The following AMER1 variants were observed in gnomAD, a reference collection of about 807,000 sequenced individuals.
AMER1 encodes the protein APC membrane recruitment protein 1, also known as RP11-403E24.2.
Under a neutral mutation model 53.0 loss-of-function variants are expected in AMER1, and 16 were observed. That is an observed-to-expected ratio of 0.30 (90% confidence interval 0.20 to 0.46). The LOEUF (loss-of-function observed/expected upper bound fraction) is 0.46, where lower values mean the gene tolerates loss of function less well. Among genes scored for constraint, AMER1 ranks in the 20% least tolerant of loss-of-function variants. The pLI is 1.00. For missense variants in AMER1, 947 were observed against 884.9 expected (o/e 1.07, Z -0.89); for synonymous variants, 354 against 331.9 (o/e 1.07, Z -0.73).
rs2147086172 is a variant in AMER1 at position 64,190,878 on chromosome X, C to T, written c.2409G>A (p.Leu803=). The T allele has an allele frequency of 4.1e-6, 5 of 1,211,687 alleles. No homozygotes were observed. The highest frequency in any genetic ancestry group is 5.6e-6 in the Non-Finnish European group (5 of 895,513). The change falls in exon 2 of 2, where the codon CTG becomes CTA. Residue 803 remains leucine, a synonymous_variant. Coordinates refer to ENST00000374869, the MANE Select transcript of AMER1 (RefSeq NM_152424.4). ...DSSFTQNLPE[L]PPMVTFDIAD... ...CGATGTCAAAGGTCACCATGGGAGG[C>T]AGCTCAGGGAGGTTTTGAGTGAAAG... is the stretch of plus-strand genomic sequence containing the variant.
In AMER1 at chrX:64,192,785, C is replaced by T. The variant is rs747418392; in HGVS notation, c.502G>A (p.Gly168Ser). The part of the protein sequence containing the change: ...KFPSMPKPKK[G>S]LKGFFSSIRR... The stretch of plus-strand genomic sequence containing the variant: ...ATACTGCTAAAAAAGCCTTTTAGGC[C>T]TTTCTTTGGCTTGGGCATAGAGGGA... The change falls in exon 2 of 2, where the codon GGC (glycine) becomes AGC (serine). Residue 168 changes from glycine (G) to serine (S), a missense_variant. Coordinates refer to ENST00000374869, the MANE Select transcript of AMER1 (RefSeq NM_152424.4). 7 of 1,210,485 alleles carry T rather than the reference C, an allele frequency of 5.8e-6. No homozygotes were observed. In the East Asian group the frequency reaches 2.1e-4, roughly 36 times the overall value.
rs187563972 is a variant in AMER1, at chrX:64,197,099, C to G, written c.-98-3715G>C. 1.4e-3 allele frequency among the ~76,000 whole-genome samples: 162 copies of G among 112,737 alleles called. 2 individuals carry two copies. Among genetic ancestry groups the G allele is most frequent in the Middle Eastern group, 4.6e-3 (1 of 216 alleles). ...GCAAAGGACAGACTCTGCAGATCCC[C>G]TAGGCTGGGACTGGCTTTCCCTGGG... On this transcript the variant is annotated intron_variant, in intron 1 of 1. Transcript: ENST00000374869.
At position 64,188,856 on chromosome X, in the gene AMER1, T is replaced by A; in HGVS notation, c.*1023A>T. 6.2e-6 allele frequency: 5 copies of A among 807,071 alleles called. No individual in the cohort carries two copies. Among genetic ancestry groups the A allele is most frequent in the Non-Finnish European group, 7.4e-6 (5 of 671,820 alleles). 66.5% of individuals were successfully genotyped at this position (807,071 alleles called of 1,213,427 possible). A position where few individuals can be genotyped will look rare whatever the true frequency, so the allele number is the denominator to read the frequency against. ...AATTTAGGTTGCTTCTCTTCCCTTA[T>A]CTCAATTAAAAGACCGTGTTCCTTG... On this transcript the variant is annotated 3_prime_UTR_variant, in exon 2 of 2. Transcript: ENST00000374869.
At chrX:64,198,738 C>T (rs970849644) in intron 1 of AMER1, among the ~76,000 whole-genome samples, 4 of 111,261 alleles carry the variant, frequency 3.6e-5, no homozygotes, top group Admixed American at 2.9e-4. Flanking sequence ...CTGCTGACAT[C>T]AGAATCTAGG....
rs1930158460 is a variant in AMER1, at chrX:64,188,728, G to T, written c.*1151C>A. The T allele has an allele frequency of 1.3e-6, 1 of 798,673 alleles. No individual in the cohort carries two copies. The highest frequency in any genetic ancestry group is 1.5e-6 in the Non-Finnish European group (1 of 667,706). 65.8% of individuals were successfully genotyped at this position (798,673 alleles called of 1,213,427 possible). On this transcript the variant is annotated 3_prime_UTR_variant, in exon 2 of 2. Transcript: ENST00000374869. The stretch of plus-strand genomic sequence containing the variant: ...AAGAAACTGAGATACCTTAAGCTCT[G>T]CATGGTCTGAAATCCCCTTTCTTGC...
In AMER1 at chrX:64,187,778, G is replaced by A; in HGVS notation, c.*2101C>T. The A allele has an allele frequency of 1.3e-6, 1 of 776,849 alleles. No individual in the cohort carries two copies. 64.0% of individuals were successfully genotyped at this position (776,849 alleles called of 1,213,427 possible). A position where few individuals can be genotyped will look rare whatever the true frequency, so the allele number is the denominator to read the frequency against. Reference sequence around the variant, plus strand: ...CACCATCCCAGAGCAGCTTTGGTAAGAGGCCAGAAAGTTGGAATTTGGGCA... The same window carrying A: ...CACCATCCCAGAGCAGCTTTGGTAAAAGGCCAGAAAGTTGGAATTTGGGCA... On this transcript the variant is annotated 3_prime_UTR_variant, in exon 2 of 2. Coordinates refer to ENST00000374869, the MANE Select transcript of AMER1 (RefSeq NM_152424.4).
intron 1 of AMER1, among the ~76,000 whole-genome samples, chrX:64,195,510 C>T (rs1484482772): frequency 2.7e-5 from 3 of 112,007 alleles, no homozygotes; most frequent in Admixed American, 9.4e-5. Flanking sequence ...AGGAAGTGAC[C>T]GGCAGGCAGG....
Position 64,187,316 on chromosome X carries a change from G to A in AMER1, c.*2563C>T. 1.3e-6 allele frequency: 1 copy of A among 791,111 alleles called. No individual in the cohort carries two copies. Among genetic ancestry groups the A allele is most frequent in the Non-Finnish European group, 1.5e-6 (1 of 661,323 alleles). 65.2% of individuals were successfully genotyped at this position (791,111 alleles called of 1,213,427 possible). On this transcript the variant is annotated 3_prime_UTR_variant, in exon 2 of 2. Transcript: ENST00000374869. ...TGGCTGCCCCACTTCAGGTGGTAAG[G>A]ATCCTATTCCTGGGCTGGCTAGGGC...
At chrX:64,199,772 C>T (rs759852061) in intron 1 of AMER1, among the ~76,000 whole-genome samples, 4 of 112,034 alleles carry the variant, frequency 3.6e-5, no homozygotes, top group Non-Finnish European at 1.9e-5. Context: ...TTTCTTACAA[C>T]TCCTGTTTCA....
rs1930241138 is a variant in AMER1, at chrX:64,191,392, T to C, written c.1895A>G (p.Glu632Gly). The C allele has an allele frequency of 8.3e-7, 1 of 1,209,996 alleles. No individual in the cohort carries two copies. The highest frequency in any genetic ancestry group is 1.1e-6 in the Non-Finnish European group (1 of 895,135). ...EARTREAQAR[E>G]VRCRETQVRE... is the part of the protein sequence containing the mutation. Reference sequence around the variant, plus strand: ...GACTTGAGTCTCTCTACAACGAACCTCTCGGGCCTGGGCTTCTCGGGTTCT... The same window carrying C: ...GACTTGAGTCTCTCTACAACGAACCCCTCGGGCCTGGGCTTCTCGGGTTCT... The change falls in exon 2 of 2, where the codon GAG (glutamate) becomes GGG (glycine). Residue 632 changes from glutamate to glycine, a missense_variant. Coordinates refer to ENST00000374869, the MANE Select transcript of AMER1 (RefSeq NM_152424.4).
At chrX:64,198,647 C>T (rs1455338841) in intron 1 of AMER1, among the ~76,000 whole-genome samples, 1 of 111,764 alleles carries the variant, frequency 8.9e-6, no homozygotes, top group Non-Finnish European at 1.9e-5. Flanking sequence ...TCTGTCCCAG[C>T]CCTGCTAAGC....
In AMER1 at chrX:64,191,380, C is replaced by G. The variant is rs1930240709; in HGVS notation, c.1907G>C (p.Arg636Thr). 8.3e-7 allele frequency: 1 copy of G among 1,211,861 alleles called. No homozygotes were observed. The highest frequency in any genetic ancestry group is 1.1e-6 in the Non-Finnish European group (1 of 895,493). ...CTGGGTCTCTCGGACTTGAGTCTCT[C>G]TACAACGAACCTCTCGGGCCTGGGC... ...REAQAREVRCRETQVRETQAR... is the reference protein window; with the variant it reads ...REAQAREVRCTETQVRETQAR... The change falls in exon 2 of 2, where the codon AGA (arginine) becomes ACA (threonine). Residue 636 changes from arginine (R) to threonine (T), a missense_variant. Transcript: ENST00000374869.
chrX:64,189,793 A>AGGGGGGCCCCCCCCCCCCCC lies in AMER1; in HGVS notation c.*85_*86insGGGGGGGGGGGGGGCCCCCC. 3.4e-6 allele frequency: 1 copy of AGGGGGGCCCCCCCCCCCCCC among 292,074 alleles called. No homozygotes were observed. The highest frequency in any genetic ancestry group is 4.9e-6 in the Non-Finnish European group (1 of 204,832). 24.1% of individuals were successfully genotyped at this position (292,074 alleles called of 1,213,427 possible). ...CAAAGGGTTTTCAAGTTAAACAACA[A>AGGGGGGCCCCCCCCCCCCCC]CCCCCACCCCCCCACCCTTCTGCCC... On this transcript the variant is annotated 3_prime_UTR_variant, in exon 2 of 2. Coordinates refer to ENST00000374869, the MANE Select transcript of AMER1 (RefSeq NM_152424.4).
chrX:64,205,196 A>G (rs1215211325), intron 1 of AMER1, among the ~76,000 whole-genome samples: 1 of 113,870 alleles, frequency 8.8e-6, no homozygotes, highest in Non-Finnish European at 1.9e-5. Flanking sequence ...ACAAAGCTGC[A>G]GAGCTCCTGG....
Position 64,189,793 on chromosome X carries a change from A to ACGGGGGGCCCCCCCCCCCCCCCCCCCCCC in AMER1, c.*85_*86insGGGGGGGGGGGGGGGGGGGGGGCCCCCCG. 1 of 292,074 alleles carries ACGGGGGGCCCCCCCCCCCCCCCCCCCCCC rather than the reference A, an allele frequency of 3.4e-6. No individual in the cohort carries two copies. Among genetic ancestry groups the ACGGGGGGCCCCCCCCCCCCCCCCCCCCCC allele is most frequent in the East Asian group, 1.7e-4 (1 of 5,962 alleles). 24.1% of individuals were successfully genotyped at this position (292,074 alleles called of 1,213,427 possible). ...CAAAGGGTTTTCAAGTTAAACAACA[A>ACGGGGGGCCCCCCCCCCCCCCCCCCCCCC]CCCCCACCCCCCCACCCTTCTGCCC... On this transcript the variant is annotated 3_prime_UTR_variant, in exon 2 of 2. Transcript: ENST00000374869.
At position 64,191,948 on chromosome X, in the gene AMER1, C is replaced by G. The variant is rs775399750; in HGVS notation, c.1339G>C (p.Gly447Arg). 8 of 1,209,772 alleles carry G rather than the reference C, an allele frequency of 6.6e-6. No individual in the cohort carries two copies. In the African/African-American group the frequency reaches 1.2e-4, roughly 19 times the overall value. Residue 447 changes from glycine to arginine, a missense_variant, in exon 2 of 2, where the codon GGC (glycine) becomes CGC (arginine). Physicochemically the swap from Gly to Arg is moderately radical, Grantham distance 125. Coordinates refer to ENST00000374869, the MANE Select transcript of AMER1 (RefSeq NM_152424.4). Reference protein sequence around the residue: ...MLLDPVRSYPGLAPGELLTPQ... With the variant: ...MLLDPVRSYPRLAPGELLTPQ... Reference sequence around the variant, plus strand: ...GTCAAAAGTTCCCCAGGGGCTAGGCCAGGATAAGACCTAACTGGGTCAAGG... The same window carrying G: ...GTCAAAAGTTCCCCAGGGGCTAGGCGAGGATAAGACCTAACTGGGTCAAGG...
intron 1 of AMER1, among the ~76,000 whole-genome samples, chrX:64,201,462 C>T (rs1414513740): frequency 1.8e-5 from 2 of 108,206 alleles, no homozygotes; most frequent in African/African-American, 3.4e-5. Flanking sequence ...CACACACACA[C>T]ACACACACAC....
chrX:64,192,158 C>A lies in AMER1; in HGVS notation c.1129G>T (p.Asp377Tyr), dbSNP rs768260912. ...GGGEEMALPD[D>Y]DDEEEEEEEE... Reference sequence around the variant, plus strand: ...TCCTCTTCTTCCTCCTCGTCATCATCATCTGGCAAGGCCATCTCCTCCCCA... The same window carrying A: ...TCCTCTTCTTCCTCCTCGTCATCATAATCTGGCAAGGCCATCTCCTCCCCA... Residue 377 changes from aspartate to tyrosine, a missense_variant, in exon 2 of 2, where the codon GAT becomes TAT. Asp to Tyr is a radical substitution (Grantham distance 160). Transcript: ENST00000374869. 5.8e-6 allele frequency: 7 copies of A among 1,211,404 alleles called. No individual in the cohort carries two copies. The highest frequency in any genetic ancestry group is 7.8e-6 in the Non-Finnish European group (7 of 895,013).
intron 1 of AMER1, among the ~76,000 whole-genome samples, chrX:64,197,813 C>G (rs1349533781): frequency 8.9e-6 from 1 of 112,601 alleles, no homozygotes; most frequent in African/African-American, 3.2e-5. Flanking sequence ...CATGTTTATG[C>G]CTCAATTTCC....
Sources: gnomAD v4.1 joint callset for allele counts (sites outside exome capture counted in the v4.1 genomes callset) on GRCh38, gnomAD v4.1.1 for gene constraint, MANE v1.5 for transcripts, NCBI Gene and HGNC (gene_info 2026-07-23, HGNC 2026-07-21) for gene names.